Variants in PLCE1 observed in about 807,000 individuals in gnomAD.
The protein encoded by PLCE1 is 1-phosphatidylinositol 4,5-bisphosphate phosphodiesterase epsilon-1.
PLCE1 carries 119 observed loss-of-function variants against 242.8 expected under a neutral mutation model. That is an observed-to-expected ratio of 0.49 (90% confidence interval 0.42 to 0.57). The LOEUF is 0.57. Ranked by LOEUF, PLCE1 falls within the 20% of genes least tolerant of loss-of-function variation. PLCE1 has a pLI of 0.00. For synonymous variants in PLCE1, 945 were observed against 1,017.4 expected (o/e 0.93, Z 1.35); for missense variants, 2,441 against 2,788.8 (o/e 0.88, Z 2.81).
intron 32 of PLCE1, 95 bp from the exon 33 acceptor site, chr10:94,327,873 C>T (rs1196377217): frequency 4.8e-6 from 2 of 415,448 alleles, no homozygotes; most frequent in Non-Finnish European, 1.0e-5. Flanking sequence ...GCCACTAGAG[C>T]TGTGGCTGGA....
intron 24 of PLCE1, among the ~76,000 whole-genome samples, chr10:94,301,752 T>C (rs1393582328): frequency 2.0e-5 from 3 of 152,216 alleles, no homozygotes; most frequent in Non-Finnish European, 4.4e-5. Flanking sequence ...TGCAAACCCC[T>C]GGTTATTGCT....
At chr10:94,259,798 A>G (rs2051233557) in intron 13 of PLCE1, among the ~76,000 whole-genome samples, 1 of 152,124 alleles carries the variant, frequency 6.6e-6, no homozygotes, top group Admixed American at 6.5e-5. Context: ...TGGGTAATTT[A>G]TAAGGAAAAA....
At chr10:94,059,645 A>G (rs1348803960) in intron 2 of PLCE1, among the ~76,000 whole-genome samples, 1 of 152,212 alleles carries the variant, frequency 6.6e-6, no homozygotes, top group Non-Finnish European at 1.5e-5. Context: ...AGAAAATCAC[A>G]GTTGCTTTGC....
At chr10:94,293,712 C>A (rs2133455886) in intron 23 of PLCE1, 73 bp downstream of exon 23, 6 of 1,510,124 alleles carry the variant, frequency 4.0e-6, no homozygotes, top group Non-Finnish European at 5.5e-6. Flanking sequence ...ACTGTCTAAG[C>A]ACTTCCCTTG....
intron 2 of PLCE1, chr10:94,089,365 A>G: frequency 6.2e-7 from 1 of 1,603,462 alleles, no homozygotes; most frequent in South Asian, 1.1e-5. Context: ...CTGGAGGCTT[A>G]AAGAAGACCA....
chr10:94,255,914 A>ACACACTCTCTCTCT (rs1284531207), intron 11 of PLCE1, among the ~76,000 whole-genome samples: 43 of 67,330 alleles, frequency 6.4e-4, no homozygotes, highest in Non-Finnish European at 9.1e-4. Flanking sequence ...ACACACACAC[A>ACACACTCTCTCTCT]CTCTCTCTCT....
intron 4 of PLCE1, among the ~76,000 whole-genome samples, chr10:94,172,864 C>G (rs1266524382): frequency 6.6e-6 from 1 of 152,196 alleles, no homozygotes; most frequent in East Asian, 1.9e-4. Flanking sequence ...CTGTAGCTCA[C>G]TTTGCAGCCT....
intron 1 of PLCE1, among the ~76,000 whole-genome samples, chr10:94,025,971 A>G (rs556458415): frequency 1.1e-4 from 16 of 152,322 alleles, no homozygotes; most frequent in African/African-American, 3.8e-4. Flanking sequence ...CTCTACTATT[A>G]TAATGCAAAA....
At chr10:94,262,828 A>G in intron 14 of PLCE1, 96 bp downstream of exon 14, 1 of 942,420 alleles carries the variant, frequency 1.1e-6, no homozygotes, top group South Asian at 1.3e-5. Context: ...CTTCTTTCCA[A>G]AGCCTTTAAA....
chr10:94,041,009 AC>A (rs1377997140), intron 2 of PLCE1, among the ~76,000 whole-genome samples: 1 of 152,164 alleles, frequency 6.6e-6, no homozygotes, highest in Non-Finnish European at 1.5e-5. Flanking sequence ...ACCTGCAGAA[AC>A]TAAAATATTT....
chr10:94,281,772 A>G (rs2052234501), intron 20 of PLCE1, among the ~76,000 whole-genome samples: 1 of 152,148 alleles, frequency 6.6e-6, no homozygotes, highest in African/African-American at 2.4e-5. Flanking sequence ...TCATTGAAAG[A>G]TCGCTCTGAC....
chr10:94,109,479 G>A (rs1326952810), intron 2 of PLCE1, among the ~76,000 whole-genome samples: 3 of 152,108 alleles, frequency 2.0e-5, no homozygotes, highest in African/African-American at 4.8e-5. Flanking sequence ...ATGGTGGCAC[G>A]TTCCTATAGT....
intron 2 of PLCE1, among the ~76,000 whole-genome samples, chr10:94,101,980 G>T (rs1205670461): frequency 6.6e-6 from 1 of 152,198 alleles, no homozygotes; most frequent in Non-Finnish European, 1.5e-5. Flanking sequence ...TGGGGCTGCA[G>T]ATGGGCAGGT....
intron 3 of PLCE1, among the ~76,000 whole-genome samples, chr10:94,162,775 T>G (rs1431804592): frequency 1.3e-5 from 2 of 152,228 alleles, no homozygotes; most frequent in Non-Finnish European, 2.9e-5. Context: ...TCTTTCCTGC[T>G]TTCTCTTGTG....
chr10:94,110,220 G>A (rs1172814580), intron 2 of PLCE1, among the ~76,000 whole-genome samples: 5 of 151,526 alleles, frequency 3.3e-5, no homozygotes, highest in East Asian at 3.9e-4. Flanking sequence ...CTGCCACCAC[G>A]CCCAGCTAAT....
chr10:94,006,053 G>A (rs1484433715), intron 1 of PLCE1, among the ~76,000 whole-genome samples: 24 of 152,148 alleles, frequency 1.6e-4, no homozygotes, highest in Non-Finnish European at 3.4e-4. Context: ...AGGCATACCC[G>A]GGTTTGATCC....
At chr10:94,104,867 T>G (rs1199006960) in intron 2 of PLCE1, 1 of 152,222 alleles carries the variant, frequency 6.6e-6, no homozygotes, top group Non-Finnish European at 1.5e-5. Context: ...ACATATGGAA[T>G]GAAATTATCT....
At chr10:94,246,673 C>A in intron 8 of PLCE1, 52 bp downstream of exon 8, 1 of 1,520,806 alleles carries the variant, frequency 6.6e-7, no homozygotes, top group Non-Finnish European at 9.0e-7. Context: ...CTCAAGAGCA[C>A]ACACTGGGTG....
intron 7 of PLCE1, among the ~76,000 whole-genome samples, chr10:94,239,084 A>C (rs2050414864): frequency 6.6e-6 from 1 of 152,186 alleles, no homozygotes. Context: ...TGAGGATTAT[A>C]AATTAAGCAA....
Sources: gnomAD v4.1 joint callset for allele counts (sites outside exome capture counted in the v4.1 genomes callset) on GRCh38, gnomAD v4.1.1 for gene constraint, MANE v1.5 for transcripts, NCBI Gene and HGNC (gene_info 2026-07-23, HGNC 2026-07-21) for gene names.